MYOC: variants seen among roughly 807,000 people sequenced by gnomAD.
The protein encoded by MYOC is juvenile-onset open-angle glaucoma 1.
MYOC carries 29 observed loss-of-function variants against 28.2 expected under a neutral mutation model. The ratio of observed to expected loss-of-function variants is 1.03; its 90% CI spans 0.77 to 1.40. The LOEUF is 1.40. MYOC is among the 40% of genes most tolerant of loss of function. MYOC has a pLI of 0.00. For synonymous variants in MYOC, 240 were observed against 245.6 expected (o/e 0.98, Z 0.21); for missense variants, 569 against 620.6 (o/e 0.92, Z 0.88).
intron 2 of MYOC, 60 bp from the exon 3 acceptor site, chr1:171,636,769 AC>A (rs1406069854): frequency 1.9e-6 from 3 of 1,562,490 alleles, no homozygotes; most frequent in African/African-American, 2.7e-5. Context: ...CCAAACACAG[AC>A]AATGATCATG....
Position 171,652,423 on chromosome 1 carries a change from C to T in MYOC, c.189G>A (p.Glu63=). 1.9e-6 allele frequency: 3 copies of T among 1,614,210 alleles called. No individual in the cohort carries two copies. Among genetic ancestry groups the T allele is most frequent in the Non-Finnish European group, 2.5e-6 (3 of 1,180,038 alleles). ...VASPNESSCP[E]QSQAMSVIHN... is the part of the protein sequence containing the mutation. ...GGATGACTGACATGGCCTGGCTCTG[C>T]TCTGGGCAGCTGGATTCATTGGGAC... The change falls in exon 1 of 3, where the codon GAG becomes GAA. Residue 63 remains glutamate (E), a synonymous_variant. Transcript: ENST00000037502.
chr1:171,639,806 C>T (rs1653029470), intron 1 of MYOC, among the ~76,000 whole-genome samples: 1 of 151,194 alleles, frequency 6.6e-6, no homozygotes. Context: ...CAAGAATTAG[C>T]AGGGTGTGGT....
chr1:171,636,658 TCTG>T lies in MYOC; in HGVS notation c.779_781del (p.Ala260del). ...CACACCATACTTGCCAGTAATTGTT[TCTG>T]CTGTTCTCAGCGTGAGAGGCTCTCC... is the stretch of plus-strand genomic sequence containing the variant. On this transcript the variant is annotated inframe_deletion, in exon 3 of 3. Coordinates refer to ENST00000037502, the MANE Select transcript of MYOC (RefSeq NM_000261.2). 6.2e-7 allele frequency: 1 copy of T among 1,608,852 alleles called. No homozygotes were observed. Among genetic ancestry groups the T allele is most frequent in the Non-Finnish European group, 8.5e-7 (1 of 1,180,018 alleles).
At chr1:171,651,335 A>C (rs235916) in intron 1 of MYOC, among the ~76,000 whole-genome samples, 122,634 of 145,986 alleles carry the variant, frequency 0.84, 51,730 homozygotes, top group African/African-American at 0.94. Context: ...CCAACACCTC[A>C]CCCCCGCACC....
At chr1:171,651,000 G>A (rs1296856221) in intron 1 of MYOC, among the ~76,000 whole-genome samples, 1 of 152,046 alleles carries the variant, frequency 6.6e-6, no homozygotes, top group Non-Finnish European at 1.5e-5. Context: ...ATAATAATGA[G>A]CAGTCAAATT....
chr1:171,637,120 T>G (rs1463605148), intron 2 of MYOC, among the ~76,000 whole-genome samples: 1 of 152,158 alleles, frequency 6.6e-6, no homozygotes, highest in Non-Finnish European at 1.5e-5. Flanking sequence ...TACAATTCAC[T>G]CAGTATCAGT....
At chr1:171,646,703 G>A (rs1653214942) in intron 1 of MYOC, among the ~76,000 whole-genome samples, 1 of 151,824 alleles carries the variant, frequency 6.6e-6, no homozygotes, top group Non-Finnish European at 1.5e-5. Flanking sequence ...TACCATATTG[G>A]CCAGGCTGGT....
chr1:171,650,647 GC>G (rs1181697437), intron 1 of MYOC, among the ~76,000 whole-genome samples: 4 of 152,246 alleles, frequency 2.6e-5, no homozygotes, highest in African/African-American at 9.6e-5. Flanking sequence ...TGAAGAGCTT[GC>G]CTTTCACGTA....
chr1:171,649,339 G>T (rs1653295532), intron 1 of MYOC, among the ~76,000 whole-genome samples: 1 of 152,112 alleles, frequency 6.6e-6, no homozygotes, highest in African/African-American at 2.4e-5. Context: ...TGCCACTCCT[G>T]CAAAAAAGCA....
chr1:171,638,515 C>T, intron 2 of MYOC, 82 bp downstream of exon 2: 1 of 1,559,262 alleles, frequency 6.4e-7, no homozygotes, highest in South Asian at 1.1e-5. Flanking sequence ...TGGGCATTTA[C>T]CCTATACTGA....
chr1:171,638,091 G>A (rs368510170), intron 2 of MYOC, among the ~76,000 whole-genome samples: 13 of 152,294 alleles, frequency 8.5e-5, no homozygotes, highest in Admixed American at 5.9e-4. Flanking sequence ...GGAAATCACA[G>A]TATTAGTCAT....
chr1:171,641,532 AG>A (rs1002282994), intron 1 of MYOC, among the ~76,000 whole-genome samples: 1 of 152,168 alleles, frequency 6.6e-6, no homozygotes, highest in African/African-American at 2.4e-5. Flanking sequence ...AGGTGGTCAC[AG>A]GGTGTGGGCT....
chr1:171,643,048 T>G (rs1418314922), intron 1 of MYOC, among the ~76,000 whole-genome samples: 1 of 152,136 alleles, frequency 6.6e-6, no homozygotes, highest in East Asian at 1.9e-4. Context: ...CTGGAAACTT[T>G]TATTTCATTC....
intron 2 of MYOC, among the ~76,000 whole-genome samples, chr1:171,637,750 T>C (rs1572211398): frequency 6.6e-6 from 1 of 152,148 alleles, no homozygotes; most frequent in East Asian, 1.9e-4. Flanking sequence ...GTAGCTGGGA[T>C]TACAGATGAC....
intron 1 of MYOC, among the ~76,000 whole-genome samples, chr1:171,644,708 G>A (rs943316727): frequency 4.6e-5 from 7 of 151,870 alleles, no homozygotes; most frequent in Admixed American, 4.6e-4. Flanking sequence ...AATAGAGAAA[G>A]GCTTTAGGAC....
Position 171,636,561 on chromosome 1 carries a change from C to T in MYOC, c.879G>A (p.Thr293=), listed in dbSNP as rs369169139. 6.2e-6 allele frequency: 10 copies of T among 1,608,788 alleles called. No individual in the cohort carries two copies. In the African/African-American group the frequency reaches 6.7e-5, roughly 11 times the overall value. ...ETTWRIDTVG[T]DVRQVFEYDL... ...CATACTCAAAAACCTGGCGGACATC[C>T]GTGCCAACTGTGTCGATTCTCCACG... is the stretch of plus-strand genomic sequence containing the variant. The change falls in exon 3 of 3, where the codon ACG becomes ACA. Residue 293 remains threonine, a synonymous_variant. Transcript: ENST00000037502.
At chr1:171,636,947 G>A (rs1216310086) in intron 2 of MYOC, among the ~76,000 whole-genome samples, 3 of 152,222 alleles carry the variant, frequency 2.0e-5, no homozygotes, top group African/African-American at 7.2e-5. Context: ...GTTTTGGGTA[G>A]TAGGGCTGTT....
At chr1:171,645,993 G>A (rs1418116780) in intron 1 of MYOC, among the ~76,000 whole-genome samples, 3 of 152,222 alleles carry the variant, frequency 2.0e-5, no homozygotes, top group Non-Finnish European at 2.9e-5. Context: ...CAGGATGACG[G>A]CAAGGCCAGT....
Position 171,636,572 on chromosome 1 carries a change from T to C in MYOC, c.868A>G (p.Thr290Ala), listed in dbSNP as rs1437593676. The C allele has an allele frequency of 6.2e-7, 1 of 1,610,894 alleles. No individual in the cohort carries two copies. Among genetic ancestry groups the C allele is most frequent in the Non-Finnish European group, 8.5e-7 (1 of 1,177,772 alleles). ...ACCTGGCGGACATCCGTGCCAACTG[T>C]GTCGATTCTCCACGTGGTCTCCTGG... is the stretch of plus-strand genomic sequence containing the variant. Reference protein sequence around the residue: ...YTQETTWRIDTVGTDVRQVFE... With the variant: ...YTQETTWRIDAVGTDVRQVFE... The change falls in exon 3 of 3, where the codon ACA becomes GCA. Residue 290 changes from threonine to alanine, a missense_variant. Coordinates refer to ENST00000037502, the MANE Select transcript of MYOC (RefSeq NM_000261.2).
Sources: allele counts gnomAD v4.1 joint callset (sites outside exome capture counted in the v4.1 genomes callset), GRCh38; gene constraint gnomAD v4.1.1; transcripts MANE v1.5; gene names NCBI Gene and HGNC (gene_info 2026-07-23, HGNC 2026-07-21).